Variants in ROBO2 observed in about 807,000 individuals in gnomAD.
ROBO2 encodes roundabout homolog 2.
A neutral mutation model predicts 160.8 loss-of-function variants in ROBO2; 53 were observed. The observed-to-expected ratio is 0.33, with a 90% confidence interval of 0.26 to 0.41. ROBO2 has a LOEUF of 0.41. Among genes scored for constraint, ROBO2 ranks in the 10% least tolerant of loss-of-function variants. The probability of loss-of-function intolerance (pLI) is 1.00; values close to 1 mark genes in which losing one functional copy is unlikely to be tolerated. For missense variants in ROBO2, 1,577 were observed against 1,722.4 expected, an observed-to-expected ratio of 0.92 and a Z score of 1.49; for synonymous variants, 664 against 611.7, an observed-to-expected ratio of 1.09 and a Z score of -1.26.
At chr3:77,368,852 T>G (rs1206121688) in intron 2 of ROBO2, among the ~76,000 whole-genome samples, 1 of 152,220 alleles carries the variant, frequency 6.6e-6, no homozygotes, top group East Asian at 1.9e-4. Flanking sequence ...ATTTATCTTT[T>G]ATTTGACAAA....
chr3:76,127,320 C>T (rs1244867542), intron 2 of ROBO2, among the ~76,000 whole-genome samples: 1 of 152,038 alleles, frequency 6.6e-6, no homozygotes, highest in East Asian at 1.9e-4. Flanking sequence ...TTGAGAGCTA[C>T]CACATTAATA....
intron 2 of ROBO2, among the ~76,000 whole-genome samples, chr3:76,578,871 C>G (rs990062901): frequency 6.6e-6 from 1 of 152,140 alleles, no homozygotes; most frequent in African/African-American, 2.4e-5. Context: ...TCGCCCAAAC[C>G]TACAATCTCT....
chr3:77,419,455 T>C (rs898558502), intron 2 of ROBO2, among the ~76,000 whole-genome samples: 1 of 151,938 alleles, frequency 6.6e-6, no homozygotes, highest in Non-Finnish European at 1.5e-5. Context: ...AAATTGAACA[T>C]GAGGACATAT....
chr3:76,388,989 G>T (rs2077024970), intron 2 of ROBO2, among the ~76,000 whole-genome samples: 1 of 151,944 alleles, frequency 6.6e-6, no homozygotes, highest in African/African-American at 2.4e-5. Context: ...AAAACAAAAT[G>T]ACATATTGAA....
chr3:77,481,127 A>G lies in ROBO2; in HGVS notation c.575A>G (p.Asn192Ser), dbSNP rs2084641283. ...CGTGGTGGAAAACTGATGATCTCCA[A>G]TACCAGGAAAAGTGATGCAGGGATG... Residue 192 changes from asparagine to serine, a missense_variant, in exon 4 of 26, where the codon AAT becomes AGT. Physicochemically the swap from Asn to Ser is conservative, Grantham distance 46. Around this residue, in one of 2 missense-constraint regions of ROBO2, gnomAD observed 940 missense variants for 1,135.5 expected, o/e 0.83. Transcript: ENST00000461745. 1.2e-5 allele frequency: 20 copies of G among 1,612,514 alleles called. No individual in the cohort carries two copies. The highest frequency in any genetic ancestry group is 2.7e-5 in the African/African-American group (2 of 74,868).
chr3:76,021,595 A>T (rs529530715), intron 2 of ROBO2, among the ~76,000 whole-genome samples: 1 of 152,010 alleles, frequency 6.6e-6, no homozygotes, highest in African/African-American at 2.4e-5. Context: ...AAAGTGAGTC[A>T]TACAAATTTG....
At chr3:76,544,974 T>C in intron 2 of ROBO2, among the ~76,000 whole-genome samples, 1 of 151,968 alleles carries the variant, frequency 6.6e-6, no homozygotes, top group Non-Finnish European at 1.5e-5. Context: ...GAGATTCCCC[T>C]CCATCATATC....
intron 2 of ROBO2, among the ~76,000 whole-genome samples, chr3:77,176,261 T>C (rs1218366291): frequency 6.6e-6 from 1 of 152,084 alleles, no homozygotes; most frequent in Admixed American, 6.6e-5. Flanking sequence ...GAAAACCTTC[T>C]GTTGGCCATT....
intron 2 of ROBO2, among the ~76,000 whole-genome samples, chr3:75,965,586 TTTTTCTG>T (rs1949081390): frequency 2.0e-5 from 3 of 151,896 alleles, no homozygotes; most frequent in African/African-American, 4.8e-5. Flanking sequence ...ATGCAACAGT[TTTTTCTG>T]CTAAATTAAT....
intron 2 of ROBO2, among the ~76,000 whole-genome samples, chr3:76,381,424 C>T (rs1306202834): frequency 6.6e-6 from 1 of 152,050 alleles, no homozygotes; most frequent in Non-Finnish European, 1.5e-5. Context: ...GATCTCTGCT[C>T]ACTGCAACCT....
chr3:77,550,285 A>T (rs1049399516), intron 7 of ROBO2, among the ~76,000 whole-genome samples: 1 of 152,094 alleles, frequency 6.6e-6, no homozygotes, highest in Non-Finnish European at 1.5e-5. Flanking sequence ...ACTTTACAGC[A>T]GAAGTACAGT....
chr3:76,420,000 T>C (rs2075922204), intron 2 of ROBO2, among the ~76,000 whole-genome samples: 1 of 152,170 alleles, frequency 6.6e-6, no homozygotes, highest in African/African-American at 2.4e-5. Flanking sequence ...CTCTGGACTA[T>C]ATGCAGTTCT....
At chr3:76,189,685 T>C (rs1285511640) in intron 2 of ROBO2, among the ~76,000 whole-genome samples, 2 of 152,124 alleles carry the variant, frequency 1.3e-5, no homozygotes, top group Non-Finnish European at 2.9e-5. Context: ...TACTTTATGC[T>C]CAGCAAGAGG....
chr3:75,913,790 T>C lies in ROBO2; in HGVS notation c.-14+6830T>C, dbSNP rs190121188. On this transcript the variant is annotated intron_variant, in intron 1 of 26. Coordinates refer to the ROBO2 transcript ENST00000487694. ...ATCCATATAAGAAAGCACAGAAAGGTTGGTGTTTTTTTAACCTTTGCAGAA... is the reference window on the plus strand; with the variant it reads ...ATCCATATAAGAAAGCACAGAAAGGCTGGTGTTTTTTTAACCTTTGCAGAA... Among the ~76,000 whole-genome samples, 4 of 152,232 alleles carry C rather than the reference T, an allele frequency of 2.6e-5. No individual in the cohort carries two copies. In the East Asian group the frequency reaches 7.7e-4, roughly 29 times the overall value.
At chr3:76,043,553 A>G (rs1310234872) in intron 2 of ROBO2, among the ~76,000 whole-genome samples, 5 of 121,690 alleles carry the variant, frequency 4.1e-5, no homozygotes, top group Non-Finnish European at 6.4e-5. Flanking sequence ...GCTCACTTGG[A>G]TTTTTCAGTC....
At chr3:76,486,388 A>T (rs889173271) in intron 2 of ROBO2, among the ~76,000 whole-genome samples, 6 of 151,782 alleles carry the variant, frequency 4.0e-5, no homozygotes, top group Non-Finnish European at 7.4e-5. Context: ...ACGCAGAGGG[A>T]TTTTCATCTG....
At chr3:76,288,247 G>A (rs565166790) in intron 2 of ROBO2, among the ~76,000 whole-genome samples, 1 of 152,174 alleles carries the variant, frequency 6.6e-6, no homozygotes, top group African/African-American at 2.4e-5. Flanking sequence ...CCTATAGCAT[G>A]CTCTCAATAA....
At chr3:76,428,807 G>A (rs527293878) in intron 2 of ROBO2, among the ~76,000 whole-genome samples, 92 of 152,260 alleles carry the variant, frequency 6.0e-4, no homozygotes, top group African/African-American at 2.1e-3. Context: ...CACGAGAAGC[G>A]TCACCTACTG....
At chr3:77,379,944 C>T (rs9865458) in intron 2 of ROBO2, among the ~76,000 whole-genome samples, 54,517 of 151,946 alleles carry the variant, frequency 0.36, 10,260 homozygotes, top group African/African-American at 0.43. Context: ...CAGCTCACTG[C>T]ATACAGGCGG....
Sources: allele counts gnomAD v4.1 joint callset (sites outside exome capture counted in the v4.1 genomes callset), GRCh38; gene constraint gnomAD v4.1.1; regional missense constraint gnomAD v4.1.1; transcripts MANE v1.5; gene names NCBI Gene and HGNC (gene_info 2026-07-23, HGNC 2026-07-21).